The following RBFOX1 variants were observed in gnomAD, a reference collection of about 807,000 sequenced individuals.
RBFOX1 encodes RNA binding protein fox-1 homolog 1.
A neutral mutation model predicts 57.7 loss-of-function variants in RBFOX1; 8 were observed. The ratio of observed to expected loss-of-function variants is 0.14; its 90% CI spans 0.08 to 0.25. The LOEUF is 0.25. Ranked by LOEUF, RBFOX1 falls within the 10% of genes least tolerant of loss-of-function variation. The probability of loss-of-function intolerance (pLI) is 1.00; values close to 1 mark genes in which losing one functional copy is unlikely to be tolerated. For synonymous variants in RBFOX1, 326 were observed against 222.4 expected, an observed-to-expected ratio of 1.47 and a Z score of -4.15; for missense variants, 611 against 548.5, an observed-to-expected ratio of 1.11 and a Z score of -1.14.
At chr16:7,446,742 C>G (rs1268280882) in intron 4 of RBFOX1, among the ~76,000 whole-genome samples, 1 of 151,526 alleles carries the variant, frequency 6.6e-6, no homozygotes, top group Non-Finnish European at 1.5e-5. Context: ...AGAAGACCCT[C>G]CACTGTCAAC....
intron 3 of RBFOX1, among the ~76,000 whole-genome samples, chr16:5,692,277 C>T (rs547402741): frequency 6.6e-6 from 1 of 151,348 alleles, no homozygotes; most frequent in Non-Finnish European, 1.5e-5. Context: ...AAGCAAGATG[C>T]CATGTTGTGA....
intron 3 of RBFOX1, among the ~76,000 whole-genome samples, chr16:6,768,895 A>T (rs1398515698): frequency 6.6e-6 from 1 of 151,830 alleles, no homozygotes; most frequent in Admixed American, 6.6e-5. Flanking sequence ...TGCTCGGCTA[A>T]TTTTTGTATT....
intron 4 of RBFOX1, among the ~76,000 whole-genome samples, chr16:7,511,357 GA>G: frequency 6.6e-6 from 1 of 152,160 alleles, no homozygotes. Flanking sequence ...ATGTCTTGGG[GA>G]AAAAACAACG....
Position 7,057,986 on chromosome 16 carries a change from C to T in RBFOX1, c.27+5888C>T, listed in dbSNP as rs142446513. Among the ~76,000 whole-genome samples, 934 of 125,854 alleles carry T rather than the reference C, an allele frequency of 7.4e-3. 13 individuals are homozygous for T. Among genetic ancestry groups the T allele is most frequent in the African/African-American group, 0.025 (879 of 35,108 alleles). The allele number at this position is 125,854 out of a possible 152,430, so 82.6% of individuals were successfully genotyped here. A position where few individuals can be genotyped will look rare whatever the true frequency, so the allele number is the denominator to read the frequency against. On this transcript the variant is annotated intron_variant, in intron 4 of 15. Transcript: ENST00000550418. ...TCATGCCACTGCACTCCAGTCTGGT[C>T]GACAGAGGGAGACTGTGGGGAAAAA... is the stretch of plus-strand genomic sequence containing the variant.
chr16:7,163,855 T>G (rs1236037988), intron 4 of RBFOX1, among the ~76,000 whole-genome samples: 2 of 152,062 alleles, frequency 1.3e-5, no homozygotes, highest in African/African-American at 4.8e-5. Context: ...AGATGAAGTT[T>G]TACCATGTTG....
chr16:5,363,031 C>CT (rs35426149), intron 1 of RBFOX1, among the ~76,000 whole-genome samples: 9,756 of 95,488 alleles, frequency 0.1, 951 homozygotes, highest in African/African-American at 0.21. Flanking sequence ...GATTTTAATT[C>CT]TTTTTTTTTT....
intron 4 of RBFOX1, among the ~76,000 whole-genome samples, chr16:7,080,862 C>A (rs530125899): frequency 1.3e-5 from 2 of 152,168 alleles, no homozygotes; most frequent in African/African-American, 4.8e-5. Context: ...ATCCTCAGGA[C>A]CAAGGGAGCC....
At chr16:7,199,945 A>G (rs1325817954) in intron 4 of RBFOX1, among the ~76,000 whole-genome samples, 1 of 152,182 alleles carries the variant, frequency 6.6e-6, no homozygotes, top group Non-Finnish European at 1.5e-5. Flanking sequence ...AAATTAGACA[A>G]AAGAACAAAC....
intron 3 of RBFOX1, among the ~76,000 whole-genome samples, chr16:5,808,932 C>T (rs1033016924): frequency 4.6e-5 from 7 of 152,042 alleles, no homozygotes; most frequent in Admixed American, 6.6e-5. Flanking sequence ...GCCTAATTTC[C>T]GTGGCCACAA....
intron 3 of RBFOX1, among the ~76,000 whole-genome samples, chr16:5,760,131 A>G (rs1219868382): frequency 3.9e-5 from 6 of 152,230 alleles, no homozygotes; most frequent in African/African-American, 1.4e-4. Context: ...CAAATAAAGC[A>G]CCTGACTTTG....
intron 5 of RBFOX1, among the ~76,000 whole-genome samples, chr16:7,561,366 A>C (rs968336823): frequency 2.6e-5 from 4 of 152,228 alleles, no homozygotes; most frequent in Admixed American, 2.0e-4. Flanking sequence ...AGATGAAGAG[A>C]CAAGTAGAAA....
chr16:6,026,838 A>T (rs2095205944), intron 1 of RBFOX1, among the ~76,000 whole-genome samples: 1 of 152,076 alleles, frequency 6.6e-6, no homozygotes, highest in Non-Finnish European at 1.5e-5. Context: ...GAGCGGTTGG[A>T]CCACCTGCCT....
intron 2 of RBFOX1, among the ~76,000 whole-genome samples, chr16:6,616,480 T>C (rs1478413362): frequency 6.6e-6 from 1 of 151,440 alleles, no homozygotes; most frequent in Non-Finnish European, 1.5e-5. Context: ...ATCGAGACCA[T>C]CCTGGCTAAC....
chr16:7,505,739 T>A (rs2073060076), intron 4 of RBFOX1, among the ~76,000 whole-genome samples: 1 of 152,196 alleles, frequency 6.6e-6, no homozygotes, highest in African/African-American at 2.4e-5. Flanking sequence ...CAAGATGGCT[T>A]CCATCCTCTC....
intron 1 of RBFOX1, among the ~76,000 whole-genome samples, chr16:5,370,100 C>G (rs1264848406): frequency 6.6e-6 from 1 of 152,106 alleles, no homozygotes; most frequent in Non-Finnish European, 1.5e-5. Context: ...CATCAGGGAA[C>G]AAACTGTACA....
chr16:6,585,845 A>G (rs1010468546), intron 2 of RBFOX1, among the ~76,000 whole-genome samples: 2 of 152,112 alleles, frequency 1.3e-5, no homozygotes, highest in African/African-American at 4.8e-5. Flanking sequence ...AAAATGGATA[A>G]TTTTAAGGAA....
intron 2 of RBFOX1, among the ~76,000 whole-genome samples, chr16:5,508,428 A>G (rs1226635706): frequency 6.6e-6 from 1 of 152,236 alleles, no homozygotes; most frequent in Non-Finnish European, 1.5e-5. Context: ...AGCAAGGTAG[A>G]TGCTGCAGCC....
At chr16:6,931,619 C>G (rs965299474) in intron 3 of RBFOX1, among the ~76,000 whole-genome samples, 1 of 152,130 alleles carries the variant, frequency 6.6e-6, no homozygotes, top group Non-Finnish European at 1.5e-5. Context: ...CACCACAATG[C>G]TTTGTCTTTG....
intron 1 of RBFOX1, among the ~76,000 whole-genome samples, chr16:6,030,545 T>G (rs2095273275): frequency 6.6e-6 from 1 of 152,194 alleles, no homozygotes; most frequent in Non-Finnish European, 1.5e-5. Context: ...AAGAATACCT[T>G]TGCAAGGTAC....
Sources: gnomAD v4.1 joint callset for allele counts (sites outside exome capture counted in the v4.1 genomes callset) on GRCh38, gnomAD v4.1.1 for gene constraint, MANE v1.5 for transcripts, NCBI Gene and HGNC (gene_info 2026-07-23, HGNC 2026-07-21) for gene names.